The following XKR6 variants were observed in gnomAD, a reference collection of about 807,000 sequenced individuals.
XKR6 encodes the protein XK-related protein 6.
Under a neutral mutation model 56.7 loss-of-function variants are expected in XKR6, and 22 were observed. The ratio of observed to expected loss-of-function variants is 0.39; its 90% CI spans 0.28 to 0.55. XKR6 has a LOEUF of 0.55. Among genes scored for constraint, XKR6 ranks in the 20% least tolerant of loss-of-function variants. The pLI is 0.66. For missense variants in XKR6, 852 were observed against 889.0 expected, an observed-to-expected ratio of 0.96 and a Z score of 0.53; for synonymous variants, 524 against 387.8, an observed-to-expected ratio of 1.35 and a Z score of -4.13.
intron 1 of XKR6, among the ~76,000 whole-genome samples, chr8:11,168,520 T>C (rs1377510389): frequency 6.6e-6 from 1 of 152,090 alleles, no homozygotes; most frequent in Non-Finnish European, 1.5e-5. Context: ...AACAGAGAAT[T>C]TGTACAACAC....
At chr8:10,961,199 A>T (rs575558733) in intron 1 of XKR6, among the ~76,000 whole-genome samples, 1 of 152,312 alleles carries the variant, frequency 6.6e-6, no homozygotes, top group South Asian at 2.1e-4. Context: ...AAGCCACTGA[A>T]AAGATTTAAA....
At chr8:11,047,881 T>C (rs980592412) in intron 1 of XKR6, among the ~76,000 whole-genome samples, 6 of 152,220 alleles carry the variant, frequency 3.9e-5, no homozygotes, top group Non-Finnish European at 8.8e-5. Flanking sequence ...GGATGACACT[T>C]CTTTCAGTTA....
intron 1 of XKR6, among the ~76,000 whole-genome samples, chr8:10,965,191 T>A (rs1352130117): frequency 2.6e-5 from 4 of 152,204 alleles, no homozygotes; most frequent in Admixed American, 6.5e-5. Context: ...CCTTCTTAAG[T>A]CCTTCCTTGC....
chr8:11,160,635 C>T (rs1586633065), intron 1 of XKR6, among the ~76,000 whole-genome samples: 1 of 152,154 alleles, frequency 6.6e-6, no homozygotes, highest in East Asian at 1.9e-4. Flanking sequence ...ACAGGCTGGG[C>T]GTGGTGGCTC....
intron 1 of XKR6, among the ~76,000 whole-genome samples, chr8:11,030,684 A>T (rs909242137): frequency 2.6e-5 from 4 of 152,140 alleles, no homozygotes; most frequent in African/African-American, 9.7e-5. Flanking sequence ...TGTAGACAGC[A>T]GCAGGTTCCC....
intron 1 of XKR6, among the ~76,000 whole-genome samples, chr8:11,142,449 A>C (rs1350024672): frequency 6.6e-6 from 1 of 152,188 alleles, no homozygotes; most frequent in Non-Finnish European, 1.5e-5. Context: ...GTTGAAATGT[A>C]ATAACCAGTG....
intron 1 of XKR6, among the ~76,000 whole-genome samples, chr8:11,184,197 C>T (rs538158737): frequency 6.6e-6 from 1 of 152,156 alleles, no homozygotes; most frequent in East Asian, 1.9e-4. Flanking sequence ...CTCTCAAGTA[C>T]AATAGTCTGA....
At chr8:10,968,993 A>T (rs1802316806) in intron 1 of XKR6, among the ~76,000 whole-genome samples, 1 of 152,214 alleles carries the variant, frequency 6.6e-6, no homozygotes, top group Non-Finnish European at 1.5e-5. Flanking sequence ...AAAGTTCAAG[A>T]AAGGGCAAAA....
At position 10,987,148 on chromosome 8, in the gene XKR6, A is replaced by G. The variant is rs142530532; in HGVS notation, c.765-62318T>C. 2.3e-3 allele frequency among the ~76,000 whole-genome samples: 355 copies of G among 152,300 alleles called. 2 individuals are homozygous for G. The highest frequency in any genetic ancestry group is 8.4e-3 in the African/African-American group (350 of 41,556). ...AATATTACCCATGTAGTAAGAAAGTAATGTTTAAGCAGCTTCAAGTCTTAA... is the reference window on the plus strand; with the variant it reads ...AATATTACCCATGTAGTAAGAAAGTGATGTTTAAGCAGCTTCAAGTCTTAA... On this transcript the variant is annotated intron_variant, in intron 1 of 2. Transcript: ENST00000416569.
chr8:10,929,509 G>C (rs1005548175), intron 1 of XKR6, among the ~76,000 whole-genome samples: 4 of 152,250 alleles, frequency 2.6e-5, no homozygotes, highest in Non-Finnish European at 5.9e-5. Context: ...GGTAGACCAT[G>C]TGTCTCCTTA....
intron 1 of XKR6, among the ~76,000 whole-genome samples, chr8:11,183,737 T>A (rs988250003): frequency 6.6e-6 from 1 of 152,182 alleles, no homozygotes; most frequent in African/African-American, 2.4e-5. Flanking sequence ...GGTCCTAAGA[T>A]CTGTGTTGAT....
chr8:10,997,990 T>C lies in XKR6; in HGVS notation c.765-73160A>G, dbSNP rs139751693. ...TTACAAAGATTCTAACCCCACTCTG[T>C]ATTTTACAGAAGAGAAGGCTGAAGC... On this transcript the variant is annotated intron_variant, in intron 1 of 2. Transcript: ENST00000416569. 5.9e-5 allele frequency among the ~76,000 whole-genome samples: 9 copies of C among 152,228 alleles called. No homozygotes were observed. The East Asian group carries it at 1.5e-3, about 26-fold the overall frequency.
intron 1 of XKR6, among the ~76,000 whole-genome samples, chr8:11,164,777 T>C (rs1272974432): frequency 6.6e-6 from 1 of 152,214 alleles, no homozygotes; most frequent in African/African-American, 2.4e-5. Flanking sequence ...TCAATATCCA[T>C]TTGTCACATG....
chr8:11,113,915 G>A (rs1277118908), intron 1 of XKR6: 1 of 243,282 alleles, frequency 4.1e-6, no homozygotes, highest in Middle Eastern at 9.0e-4. Flanking sequence ...TGAAGAGGAA[G>A]GAACTGGGGC....
chr8:11,051,495 G>A (rs751807477), intron 1 of XKR6, among the ~76,000 whole-genome samples: 2 of 152,030 alleles, frequency 1.3e-5, no homozygotes, highest in South Asian at 2.1e-4. Context: ...TTCTTCCTTC[G>A]GGCTTCCCCA....
At chr8:11,075,177 A>G (rs1390326613) in intron 1 of XKR6, among the ~76,000 whole-genome samples, 2 of 152,086 alleles carry the variant, frequency 1.3e-5, no homozygotes, top group African/African-American at 2.4e-5. Context: ...AACTCTGGGG[A>G]AAAAAAGGGT....
intron 1 of XKR6, among the ~76,000 whole-genome samples, chr8:11,116,195 G>C (rs1460175818): frequency 1.3e-5 from 2 of 152,286 alleles, no homozygotes; most frequent in South Asian, 2.1e-4. Flanking sequence ...CCTTTCCCAT[G>C]TATGTCGGAG....
intron 1 of XKR6, chr8:11,109,520 G>A (rs1473864938): frequency 1.3e-5 from 2 of 152,116 alleles, no homozygotes; most frequent in Non-Finnish European, 2.9e-5. Context: ...TCCAACATCA[G>A]AACGCCCACA....
At chr8:11,040,880 G>C (rs768715861) in intron 1 of XKR6, among the ~76,000 whole-genome samples, 1 of 152,140 alleles carries the variant, frequency 6.6e-6, no homozygotes, top group Non-Finnish European at 1.5e-5. Flanking sequence ...TCTCTCACAG[G>C]GGCAACTCAG....
Sources: allele counts gnomAD v4.1 joint callset (sites outside exome capture counted in the v4.1 genomes callset), GRCh38; gene constraint gnomAD v4.1.1; transcripts MANE v1.5; gene names NCBI Gene and HGNC (gene_info 2026-07-23, HGNC 2026-07-21).